Variants in SLC4A7 observed in about 807,000 individuals in gnomAD.
The protein encoded by SLC4A7 is solute carrier family 4 member 7.
SLC4A7 carries 51 observed loss-of-function variants against 137.6 expected under a neutral mutation model. The observed-to-expected ratio is 0.37, with a 90% confidence interval of 0.30 to 0.47. The LOEUF is 0.47. Among genes scored for constraint, SLC4A7 ranks in the 20% least tolerant of loss-of-function variants. SLC4A7 has a pLI of 1.00. For missense variants in SLC4A7, 1,247 were observed against 1,525.4 expected (o/e 0.82, Z 3.04); for synonymous variants, 542 against 518.6 (o/e 1.05, Z -0.61).
At chr3:27,378,182 A>C (rs1423148016) in intron 25 of SLC4A7, among the ~76,000 whole-genome samples, 1 of 152,244 alleles carries the variant, frequency 6.6e-6, no homozygotes, top group Non-Finnish European at 1.5e-5. Context: ...ATTAGAACTC[A>C]GATGACAGAA....
Position 27,484,268 on chromosome 3 carries a change from G to A in SLC4A7, c.-142C>T. On this transcript the variant is annotated 5_prime_UTR_variant, in exon 1 of 26. The change creates a new upstream start codon in the 5' untranslated region. Coordinates refer to ENST00000454389, the MANE Select transcript of SLC4A7 (RefSeq NM_001321103.2). ...GCGTCCGTGCGCGAGGTGTGCGCGC[G>A]TGGGGAGAGCCGGGCGCCGGGCGCG... The A allele has an allele frequency of 3.3e-6, 2 of 605,898 alleles. No homozygotes were observed. Among genetic ancestry groups the A allele is most frequent in the Non-Finnish European group, 4.7e-6 (2 of 425,414 alleles). 37.5% of individuals were successfully genotyped at this position (605,898 alleles called of 1,614,324 possible).
chr3:27,400,903 T>A, intron 15 of SLC4A7, 34 bp from the exon 16 acceptor site: 1 of 1,174,760 alleles, frequency 8.5e-7, no homozygotes, highest in Non-Finnish European at 1.3e-6. Flanking sequence ...TTTTTAAGGA[T>A]CCTGAATTTC....
rs2051960407 is a variant in SLC4A7 at position 27,394,755 on chromosome 3, A to G, written c.2880T>C (p.Tyr960=). The G allele has an allele frequency of 6.2e-7, 1 of 1,614,004 alleles. No homozygotes were observed. The highest frequency in any genetic ancestry group is 1.3e-5 in the African/African-American group (1 of 74,948). Residue 960 remains tyrosine, a synonymous_variant, in exon 20 of 26, where the codon TAT becomes TAC. Transcript: ENST00000454389. The stretch of plus-strand genomic sequence containing the variant: ...CGCCAACCATGAGCAAATCAAGGTG[A>G]TAGCCAGCTCCTTTCTGAAAAGTGA... ...KEHKLKKGAG[Y]HLDLLMVGVM... is the part of the protein sequence containing the mutation.
Position 27,374,068 on chromosome 3 carries a change from T to C in SLC4A7, c.*2696A>G, listed in dbSNP as rs1175777056. ...CTTTTATCATAAGGAATTTACATCA[T>C]TGTTTTCTCAAAAGCTGCTATTTTA... On this transcript the variant is annotated 3_prime_UTR_variant, in exon 26 of 26. Transcript: ENST00000454389. 1 of 152,530 alleles carries C rather than the reference T, an allele frequency of 6.6e-6. No homozygotes were observed. The highest frequency in any genetic ancestry group is 2.1e-4 in the South Asian group (1 of 4,816). The allele number at this position is 152,530 out of a possible 1,614,324, so 9.4% of individuals were successfully genotyped here.
intron 2 of SLC4A7, among the ~76,000 whole-genome samples, 169 bp downstream of exon 2, chr3:27,452,248 T>C (rs1480178617): frequency 2.0e-5 from 3 of 152,146 alleles, no homozygotes; most frequent in Non-Finnish European, 4.4e-5. Flanking sequence ...CATTATGAAC[T>C]CTATCTTTTG....
chr3:27,395,889 A>T (rs1448387772), intron 18 of SLC4A7, among the ~76,000 whole-genome samples: 1 of 152,292 alleles, frequency 6.6e-6, no homozygotes, highest in East Asian at 1.9e-4. Context: ...AGACTTAGTG[A>T]TTTTGACAGG....
chr3:27,396,144 T>C (rs550862248), intron 18 of SLC4A7, among the ~76,000 whole-genome samples: 1 of 152,312 alleles, frequency 6.6e-6, no homozygotes, highest in East Asian at 1.9e-4. Context: ...ATGAAAACAT[T>C]TGTCAATATA....
intron 18 of SLC4A7, 97 bp downstream of exon 18, chr3:27,397,587 C>G: frequency 1.5e-6 from 1 of 677,718 alleles, no homozygotes; most frequent in South Asian, 1.8e-5. Flanking sequence ...AAAGAGACTA[C>G]ATACTTTTAA....
chr3:27,437,606 A>T, intron 3 of SLC4A7, 80 bp from the exon 4 acceptor site: 3 of 881,442 alleles, frequency 3.4e-6, no homozygotes, highest in Non-Finnish European at 3.2e-6. Flanking sequence ...TGAAAATGAA[A>T]CACTTTTGTT....
At chr3:27,481,405 T>C (rs981540178) in intron 1 of SLC4A7, among the ~76,000 whole-genome samples, 2 of 148,480 alleles carry the variant, frequency 1.3e-5, no homozygotes, top group Non-Finnish European at 2.9e-5. Context: ...CTATTCAACA[T>C]TTTTTTGCAT....
chr3:27,410,816 A>C (rs1435037073), intron 12 of SLC4A7, among the ~76,000 whole-genome samples: 2 of 152,196 alleles, frequency 1.3e-5, no homozygotes, highest in Non-Finnish European at 2.9e-5. Flanking sequence ...ACACTTCATT[A>C]GTCAATGAAT....
At chr3:27,396,761 T>A (rs1311583685) in intron 18 of SLC4A7, among the ~76,000 whole-genome samples, 1 of 152,170 alleles carries the variant, frequency 6.6e-6, no homozygotes, top group Non-Finnish European at 1.5e-5. Flanking sequence ...CCAGTGACAC[T>A]ATTCACAATG....
intron 22 of SLC4A7, among the ~76,000 whole-genome samples, chr3:27,388,481 T>C (rs781778124): frequency 3.9e-5 from 6 of 152,190 alleles, no homozygotes; most frequent in Admixed American, 1.3e-4. Flanking sequence ...CCTGATACTT[T>C]AAGGACAGGT....
At chr3:27,412,304 A>G (rs1428468680) in intron 11 of SLC4A7, among the ~76,000 whole-genome samples, 1 of 152,222 alleles carries the variant, frequency 6.6e-6, no homozygotes, top group Admixed American at 6.5e-5. Context: ...CCTCTGTTAA[A>G]GACAAAGAAA....
chr3:27,376,898 T>C, intron 25 of SLC4A7, 53 bp from the exon 26 acceptor site: 1 of 891,990 alleles, frequency 1.1e-6, no homozygotes, highest in Non-Finnish European at 1.6e-6. Context: ...AATATTCAAT[T>C]CTAAACATGG....
rs2049707645 is a variant in SLC4A7 at position 27,373,600 on chromosome 3, T to C, written c.*3164A>G. On this transcript the variant is annotated 3_prime_UTR_variant, in exon 26 of 26. Transcript: ENST00000454389. Reference sequence around the variant, plus strand: ...CACATGTTAAACTGCTGAGCACATTTATAGAACTGATGTACATCATATAAT... The same window carrying C: ...CACATGTTAAACTGCTGAGCACATTCATAGAACTGATGTACATCATATAAT... 1 of 152,168 alleles carries C rather than the reference T, an allele frequency of 6.6e-6. No individual in the cohort carries two copies. Among genetic ancestry groups the C allele is most frequent in the African/African-American group, 2.4e-5 (1 of 41,470 alleles). The allele number at this position is 152,168 out of a possible 1,614,324, so 9.4% of individuals were successfully genotyped here.
At chr3:27,461,454 A>C (rs1007173995) in intron 1 of SLC4A7, among the ~76,000 whole-genome samples, 1 of 152,032 alleles carries the variant, frequency 6.6e-6, no homozygotes, top group Non-Finnish European at 1.5e-5. Context: ...AAGGCAGCCA[A>C]TTACAAGATA....
At chr3:27,418,384 G>C in intron 11 of SLC4A7, 102 bp downstream of exon 11, 1 of 836,668 alleles carries the variant, frequency 1.2e-6, no homozygotes, top group Non-Finnish European at 1.9e-6. Context: ...ACAGGACGAG[G>C]TGGGGATAAA....
intron 4 of SLC4A7, among the ~76,000 whole-genome samples, chr3:27,436,972 T>C (rs1388364420): frequency 6.6e-6 from 1 of 152,234 alleles, no homozygotes; most frequent in Non-Finnish European, 1.5e-5. Context: ...GGAAATTCTC[T>C]GCTCACTGGT....
Sources: gnomAD v4.1 joint callset for allele counts (sites outside exome capture counted in the v4.1 genomes callset) on GRCh38, gnomAD v4.1.1 for gene constraint, MANE v1.5 for transcripts, NCBI Gene and HGNC (gene_info 2026-07-23, HGNC 2026-07-21) for gene names.